H2BC18: variants seen among roughly 807,000 people sequenced by gnomAD.
H2BC18 encodes the protein histone H2B type 2-F.
H2BC18 carries 8 observed loss-of-function variants against 6.3 expected under a neutral mutation model. The observed-to-expected ratio is 1.28, with a 90% CI of 0.75 to 2.31. The LOEUF is 2.31. H2BC18 is among the 30% of genes most tolerant of loss of function. The pLI is 0.00. For synonymous variants in H2BC18, 104 were observed against 78.1 expected (o/e 1.33, Z -1.75); for missense variants, 106 against 174.5 (o/e 0.61, Z 2.21).
intron 1 of H2BC18, chr1:149,788,629 G>T (rs2091614815): frequency 6.2e-7 from 1 of 1,613,728 alleles, no homozygotes. Flanking sequence ...TATTGTATTG[G>T]AATAGTCATA....
downstream of H2BC18, chr1:149,811,367 G>T (rs1275448272): frequency 2.5e-5 from 4 of 157,846 alleles, no homozygotes; most frequent in Non-Finnish European, 5.6e-5. Context: ...GAAGTCACTG[G>T]AATGGAAGTT....
chr1:149,807,628 A>T (rs12410133), downstream of H2BC18, among the ~76,000 whole-genome samples: 1 of 151,624 alleles, frequency 6.6e-6, no homozygotes, highest in Non-Finnish European at 1.5e-5. Flanking sequence ...CAACATGGTG[A>T]AACCCCATTT....
chr1:149,812,291 G>T lies in H2BC18; in HGVS notation c.33C>A (p.Pro11=), dbSNP rs782457663. The T allele has an allele frequency of 6.2e-7, 1 of 1,614,070 alleles. No homozygotes were observed. ...TAACAGCCTTTTTGGAGCCCTTCTT[G>T]GGAGCAGGAGCGGATTTCGCTGGAT... is the stretch of plus-strand genomic sequence containing the variant. MPDPAKSAPA[P]KKGSKKAVTK... is the part of the protein sequence containing the mutation. The change falls in exon 1 of 1, where the codon CCC becomes CCA. Residue 11 remains proline (P), a synonymous_variant. Transcript: ENST00000369167.
chr1:149,806,885 GA>G (rs1327814436), downstream of H2BC18, among the ~76,000 whole-genome samples: 2 of 152,176 alleles, frequency 1.3e-5, no homozygotes, highest in African/African-American at 4.8e-5. Context: ...AGGTAAGAGA[GA>G]GGGTCAGAGA....
intron 1 of H2BC18, among the ~76,000 whole-genome samples, chr1:149,798,767 A>G (rs1263538211): frequency 6.6e-6 from 1 of 152,124 alleles, no homozygotes. Context: ...GCATGTAACC[A>G]TGCCTGGCTA....
intron 1 of H2BC18, among the ~76,000 whole-genome samples, chr1:149,797,032 C>G (rs1331989183): frequency 6.6e-6 from 1 of 152,182 alleles, no homozygotes; most frequent in African/African-American, 2.4e-5. Flanking sequence ...CCTGCCTCAG[C>G]CTCCCAAGTA....
chr1:149,808,437 A>G (rs1446981515), downstream of H2BC18, among the ~76,000 whole-genome samples: 4 of 152,176 alleles, frequency 2.6e-5, no homozygotes, highest in Middle Eastern at 3.4e-3. Context: ...GGAATAACAT[A>G]TCTTGCTTGA....
chr1:149,789,420 TG>T (rs1553751386), intron 1 of H2BC18, among the ~76,000 whole-genome samples: 4 of 144,890 alleles, frequency 2.8e-5, no homozygotes, highest in African/African-American at 1.1e-4. Context: ...ATAATAATAA[TG>T]ATGATAATAA....
chr1:149,796,703 C>T (rs1163229286), intron 1 of H2BC18, among the ~76,000 whole-genome samples: 1 of 152,150 alleles, frequency 6.6e-6, no homozygotes, highest in Non-Finnish European at 1.5e-5. Flanking sequence ...TCCTTTCATT[C>T]CACTGTGAAA....
intron 1 of H2BC18, chr1:149,790,413 C>T (rs1242111264): frequency 1.9e-6 from 3 of 1,548,278 alleles, no homozygotes; most frequent in Non-Finnish European, 2.6e-6. Context: ...GAGGTTTGTT[C>T]AAGGGTTTTT....
chr1:149,806,389 G>A (rs1384012308), intron 1 of H2BC18, among the ~76,000 whole-genome samples: 2 of 152,072 alleles, frequency 1.3e-5, no homozygotes, highest in Non-Finnish European at 2.9e-5. Context: ...TCAGGAGATC[G>A]AGACCATCCT....
chr1:149,785,408 G>GTTTTTTTT (rs10670379), intron 1 of H2BC18, among the ~76,000 whole-genome samples: 1 of 67,636 alleles, frequency 1.5e-5, no homozygotes, highest in Non-Finnish European at 3.3e-5. Context: ...GAGCTGTTTC[G>GTTTTTTTT]TTTTTTTTTT....
At chr1:149,794,079 T>C (rs2101440793) in intron 1 of H2BC18, 1 of 523,986 alleles carries the variant, frequency 1.9e-6, no homozygotes, top group Middle Eastern at 6.3e-4. Context: ...TGGAGACAGA[T>C]TCCTCGGGCT....
rs1411673539 is a variant in H2BC18 at position 149,812,225 on chromosome 1, G to T, written c.99C>A (p.Ser33Arg). Reference protein sequence around the residue: ...QKKDGKKRKRSRKESYSVYVY... With the variant: ...QKKDGKKRKRRRKESYSVYVY... ...CGTAAACGGAGTAGCTCTCCTTGCGGCTGCGCTTGCGCTTCTTGCCGTCCT... is the reference window on the plus strand; with the variant it reads ...CGTAAACGGAGTAGCTCTCCTTGCGTCTGCGCTTGCGCTTCTTGCCGTCCT... The change falls in exon 1 of 1, where the codon AGC becomes AGA. Residue 33 changes from serine to arginine, a missense_variant. Ser to Arg is a moderately radical substitution (Grantham distance 110). Transcript: ENST00000369167. The T allele has an allele frequency of 1.9e-6, 3 of 1,614,150 alleles. No individual in the cohort carries two copies. The African/African-American group carries it at 4.0e-5, about 22-fold the overall frequency.
chr1:149,786,852 A>G (rs2091565674), intron 1 of H2BC18: 1 of 152,146 alleles, frequency 6.6e-6, no homozygotes, highest in Non-Finnish European at 1.5e-5. Context: ...TTTGGTTAGA[A>G]TTTGTGTTAA....
downstream of H2BC18, among the ~76,000 whole-genome samples, chr1:149,809,917 A>C (rs1185831905): frequency 6.6e-6 from 1 of 150,840 alleles, no homozygotes; most frequent in Non-Finnish European, 1.5e-5. Context: ...AATGCTTTAC[A>C]TGACAGTAGA....
intron 1 of H2BC18, chr1:149,784,148 G>A (rs12029829): frequency 3.5e-5 from 56 of 1,611,466 alleles, no homozygotes; most frequent in Admixed American, 1.7e-4. Flanking sequence ...CTCAGACCTC[G>A]ACCCCCAGCT....
chr1:149,806,824 G>T (rs1206086976), intron 1 of H2BC18, among the ~76,000 whole-genome samples: 1 of 152,198 alleles, frequency 6.6e-6, no homozygotes, highest in East Asian at 1.9e-4. Flanking sequence ...GAAGGGCCTT[G>T]ATGTATTCAA....
At chr1:149,810,298 G>A (rs1339202733), downstream of H2BC18, 3 of 151,456 alleles carry the variant, frequency 2.0e-5, no homozygotes, top group Non-Finnish European at 2.9e-5. Flanking sequence ...TACTTTCAAC[G>A]GAAATTTTGG....
Sources: gnomAD v4.1 joint callset for allele counts (sites outside exome capture counted in the v4.1 genomes callset) on GRCh38, gnomAD v4.1.1 for gene constraint, MANE v1.5 for transcripts, NCBI Gene and HGNC (gene_info 2026-07-23, HGNC 2026-07-21) for gene names.